Variants in EPAS1 observed in about 807,000 individuals in gnomAD.
EPAS1 encodes endothelial PAS domain-containing protein 1.
In EPAS1, 23 loss-of-function variants were observed where a neutral mutation model predicts 87.9. The ratio of observed to expected loss-of-function variants is 0.26; its 90% CI spans 0.19 to 0.37. The LOEUF (loss-of-function observed/expected upper bound fraction) is 0.37, where lower values mean the gene tolerates loss of function less well. EPAS1 is among the 10% of genes least tolerant of loss of function. The pLI, the probability that EPAS1 is intolerant of heterozygous loss-of-function variation, is 1.00. For synonymous variants in EPAS1, 508 were observed against 444.3 expected (o/e 1.14, Z -1.80); for missense variants, 1,138 against 1,120.7 (o/e 1.02, Z -0.22).
intron 6 of EPAS1, among the ~76,000 whole-genome samples, chr2:46,361,794 C>T (rs1684394129): frequency 6.6e-6 from 1 of 152,198 alleles, no homozygotes; most frequent in South Asian, 2.1e-4. Flanking sequence ...GTCATGCCAT[C>T]TCGGGTTCTT....
intron 7 of EPAS1, among the ~76,000 whole-genome samples, chr2:46,373,180 G>T (rs576246131): frequency 1.1e-4 from 17 of 152,258 alleles, no homozygotes; most frequent in African/African-American, 1.4e-4. Context: ...ACAGGGTTTT[G>T]TTTAAAAGAT....
At chr2:46,345,243 C>T (rs1310275303) in intron 1 of EPAS1, among the ~76,000 whole-genome samples, 1 of 152,064 alleles carries the variant, frequency 6.6e-6, no homozygotes, top group Non-Finnish European at 1.5e-5. Flanking sequence ...GACTACAGGT[C>T]CAAATACTAC....
intron 12 of EPAS1, 39 bp from the exon 13 acceptor site, chr2:46,381,557 T>C: frequency 6.2e-7 from 1 of 1,613,720 alleles, no homozygotes; most frequent in Non-Finnish European, 8.5e-7. Context: ...GGCATGTGGC[T>C]CCAGACTCCC....
At chr2:46,320,452 C>G (rs183046269) in intron 1 of EPAS1, among the ~76,000 whole-genome samples, 1 of 152,166 alleles carries the variant, frequency 6.6e-6, no homozygotes. Flanking sequence ...AAGTGCACGC[C>G]GCTTGCAGAT....
rs182004494 is a variant in EPAS1, at chr2:46,304,663, A to G, written c.26+6726A>G. On this transcript the variant is annotated intron_variant, in intron 1 of 15. Transcript: ENST00000263734. ...CAAGAGGTGGTTCTCTCCTGCCCCA[A>G]GAAATTCAAAGCTTTCCACATCCCA... Among the ~76,000 whole-genome samples the G allele has an allele frequency of 2.4e-4, 36 of 152,252 alleles. 1 individual carries two copies. In the East Asian group the frequency reaches 6.0e-3, roughly 25 times the overall value.
chr2:46,338,829 C>G (rs1368439214), intron 1 of EPAS1, among the ~76,000 whole-genome samples: 2 of 151,460 alleles, frequency 1.3e-5, no homozygotes, highest in African/African-American at 4.9e-5. Context: ...TGATACTGCC[C>G]TCTGAAGCAC....
chr2:46,380,100 T>C lies in EPAS1; in HGVS notation c.1555-127T>C. On this transcript the variant is annotated intron_variant, in intron 11 of 15. Transcript: ENST00000263734. This position sits in a 1 kb window ranked among gnomAD's most constrained non-coding sequence, Gnocchi z 4.4. ...TTCCTGATAGGCCCTCGGGAGCCAGTGGAGGCGTTTGAGCAGCACTGTGAA... is the reference window on the plus strand; with the variant it reads ...TTCCTGATAGGCCCTCGGGAGCCAGCGGAGGCGTTTGAGCAGCACTGTGAA... 1 of 1,498,246 alleles carries C rather than the reference T, an allele frequency of 6.7e-7. No homozygotes were observed. The allele number at this position is 1,498,246 out of a possible 1,614,324, so 92.8% of individuals were successfully genotyped here. A position where few individuals can be genotyped will look rare whatever the true frequency, so the allele number is the denominator to read the frequency against.
rs994908079 is a variant in EPAS1, at chr2:46,375,494, T to A, written c.887-196T>A. On this transcript the variant is annotated intron_variant, in intron 7 of 15. Transcript: ENST00000263734. This position sits in a 1 kb window ranked among gnomAD's most constrained non-coding sequence, Gnocchi z 4.1. The stretch of plus-strand genomic sequence containing the variant: ...TTCACCTCTTCTCACCTCTTTTTCC[T>A]ATATTTAAAATGAAGAGTTGGCTGA... 8 of 655,352 alleles carry A rather than the reference T, an allele frequency of 1.2e-5. No homozygotes were observed. The highest frequency in any genetic ancestry group is 2.1e-5 in the Non-Finnish European group (8 of 376,542). 40.6% of individuals were successfully genotyped at this position (655,352 alleles called of 1,614,324 possible).
chr2:46,299,273 C>A (rs1682947483), intron 1 of EPAS1, among the ~76,000 whole-genome samples: 1 of 152,228 alleles, frequency 6.6e-6, no homozygotes. Context: ...TGGCTCGGCG[C>A]CCGGGCCCTT....
intron 1 of EPAS1, among the ~76,000 whole-genome samples, chr2:46,325,099 C>T (rs1683526717): frequency 6.6e-6 from 1 of 152,234 alleles, no homozygotes; most frequent in African/African-American, 2.4e-5. Context: ...GAGGACAGGA[C>T]CCTGGGAGGA....
rs368452487 is a variant in EPAS1, at chr2:46,302,734, GAAAA to G, written c.26+4818_26+4821del. ...TCATCAAGTTGCTTAGTCTGATTAG[GAAAA>G]AAAAAAAAAAAAAAAAAAAAGAGAT... On this transcript the variant is annotated intron_variant, in intron 1 of 15. Transcript: ENST00000263734. Among the ~76,000 whole-genome samples, 54 of 119,544 alleles carry G rather than the reference GAAAA, an allele frequency of 4.5e-4. 1 individual carries two copies. The highest frequency in any genetic ancestry group is 6.8e-5 in the Non-Finnish European group (4 of 59,182). The allele number at this position is 119,544 out of a possible 152,430, so 78.4% of individuals were successfully genotyped here. A position where few individuals can be genotyped will look rare whatever the true frequency, so the allele number is the denominator to read the frequency against.
At chr2:46,320,056 T>A (rs1253059540) in intron 1 of EPAS1, among the ~76,000 whole-genome samples, 4 of 152,244 alleles carry the variant, frequency 2.6e-5, no homozygotes. Context: ...TACAACAATC[T>A]GAATAATTAC....
At chr2:46,318,181 TACACACACACACACACAA>T (rs1683381543) in intron 1 of EPAS1, among the ~76,000 whole-genome samples, 1 of 150,578 alleles carries the variant, frequency 6.6e-6, no homozygotes, top group African/African-American at 2.4e-5. Context: ...GAGAGAGAGA[TACACACACACACACACAA>T]ACACACACAC....
At chr2:46,324,801 T>A (rs948462847) in intron 1 of EPAS1, among the ~76,000 whole-genome samples, 31 of 152,364 alleles carry the variant, frequency 2.0e-4, no homozygotes, top group African/African-American at 7.5e-4. Flanking sequence ...TGGAGCTGTT[T>A]TGTTAAATGT....
intron 7 of EPAS1, among the ~76,000 whole-genome samples, chr2:46,372,927 C>T (rs1684656486): frequency 6.6e-6 from 1 of 152,190 alleles, no homozygotes; most frequent in South Asian, 2.1e-4. Context: ...AAAGGGAGAG[C>T]AGAGAGGACA....
chr2:46,356,051 C>T, intron 2 of EPAS1, 100 bp from the exon 3 acceptor site: 1 of 1,339,444 alleles, frequency 7.5e-7, no homozygotes, highest in Non-Finnish European at 1.1e-6. Flanking sequence ...AAAGTCCACC[C>T]AATGCCTTTG....
chr2:46,345,466 C>A (rs1684005338), intron 1 of EPAS1, among the ~76,000 whole-genome samples: 1 of 152,146 alleles, frequency 6.6e-6, no homozygotes, highest in Non-Finnish European at 1.5e-5. Context: ...TGGTTAAGTG[C>A]CATGATTCTG....
chr2:46,317,669 C>G (rs1287191951), intron 1 of EPAS1, among the ~76,000 whole-genome samples: 1 of 152,224 alleles, frequency 6.6e-6, no homozygotes, highest in Non-Finnish European at 1.5e-5. Context: ...TAGGGATTGA[C>G]TTCTCCCCTC....
intron 1 of EPAS1, among the ~76,000 whole-genome samples, chr2:46,313,176 C>T (rs182430758): frequency 5.0e-4 from 76 of 152,310 alleles, no homozygotes; most frequent in Non-Finnish European, 2.2e-4. Context: ...TGAGTGCAAA[C>T]GCCTGGCTGT....
Sources: gnomAD v4.1 joint callset for allele counts (sites outside exome capture counted in the v4.1 genomes callset) on GRCh38, gnomAD v4.1.1 for gene constraint, Gnocchi (gnomAD v3.1) non-coding constraint, MANE v1.5 for transcripts, NCBI Gene and HGNC (gene_info 2026-07-23, HGNC 2026-07-21) for gene names.